The following TSPAN18 variants were observed in gnomAD, a reference collection of about 807,000 sequenced individuals.
TSPAN18 encodes the protein tetraspanin 18.
TSPAN18 carries 14 observed loss-of-function variants against 27.3 expected under a neutral mutation model. That is an observed-to-expected ratio of 0.51 (90% CI 0.34 to 0.80). TSPAN18 has a LOEUF of 0.80. Ranked by LOEUF, TSPAN18 falls within the 30% of genes least tolerant of loss-of-function variation. TSPAN18 has a pLI of 0.01. For missense variants in TSPAN18, 268 were observed against 323.9 expected (o/e 0.83, Z 1.32); for synonymous variants, 143 against 136.5 (o/e 1.05, Z -0.33).
intron 3 of TSPAN18, among the ~76,000 whole-genome samples, chr11:44,883,080 C>T (rs1247578038): frequency 6.6e-6 from 1 of 152,196 alleles, no homozygotes; most frequent in Non-Finnish European, 1.5e-5. Context: ...CACCATGAGG[C>T]AGGAACAACA....
intron 3 of TSPAN18, among the ~76,000 whole-genome samples, chr11:44,869,657 G>A (rs972522309): frequency 3.3e-5 from 5 of 152,274 alleles, no homozygotes; most frequent in African/African-American, 4.8e-5. Context: ...TTAGAGACAC[G>A]GCCAGGCCCC....
At chr11:44,794,833 G>C (rs1348190072) in intron 2 of TSPAN18, among the ~76,000 whole-genome samples, 4 of 152,198 alleles carry the variant, frequency 2.6e-5, no homozygotes, top group Non-Finnish European at 5.9e-5. Flanking sequence ...GATGAAGTGG[G>C]TGTGAGGACT....
chr11:44,800,658 G>A (rs1370636338), intron 2 of TSPAN18, among the ~76,000 whole-genome samples: 1 of 152,212 alleles, frequency 6.6e-6, no homozygotes, highest in Non-Finnish European at 1.5e-5. Context: ...CAGGATGCCC[G>A]GTGACACCTG....
At chr11:44,823,595 A>C (rs188147311) in intron 2 of TSPAN18, among the ~76,000 whole-genome samples, 113 of 152,262 alleles carry the variant, frequency 7.4e-4, no homozygotes, top group African/African-American at 2.6e-3. Flanking sequence ...GTGGGGATCA[A>C]TCAGAGGAAA....
chr11:44,841,836 C>A (rs1222219773), intron 2 of TSPAN18, among the ~76,000 whole-genome samples: 2 of 152,182 alleles, frequency 1.3e-5, no homozygotes, highest in Non-Finnish European at 2.9e-5. Flanking sequence ...ACCCCACCAT[C>A]AGGTCCAAAT....
chr11:44,818,518 G>A (rs527732926), intron 2 of TSPAN18, among the ~76,000 whole-genome samples: 9 of 152,134 alleles, frequency 5.9e-5, no homozygotes, highest in African/African-American at 1.2e-4. Flanking sequence ...GTGGCCCAGC[G>A]TCCTGCATTT....
At chr11:44,817,515 C>T (rs905631591) in intron 2 of TSPAN18, among the ~76,000 whole-genome samples, 9 of 152,198 alleles carry the variant, frequency 5.9e-5, no homozygotes, top group African/African-American at 1.4e-4. Flanking sequence ...GTTTATGCTG[C>T]GACTTAGGCT....
intron 2 of TSPAN18, among the ~76,000 whole-genome samples, chr11:44,805,974 C>A (rs946033601): frequency 2.0e-5 from 3 of 151,812 alleles, no homozygotes; most frequent in Non-Finnish European, 4.4e-5. Context: ...CGCAGAGATT[C>A]TTTCCATATA....
intron 1 of TSPAN18, among the ~76,000 whole-genome samples, chr11:44,761,488 A>G (rs979211822): frequency 6.6e-6 from 1 of 152,216 alleles, no homozygotes; most frequent in African/African-American, 2.4e-5. Flanking sequence ...TTAAATGGGA[A>G]TTAGGATTAG....
At chr11:44,753,544 G>T (rs373537816) in intron 1 of TSPAN18, among the ~76,000 whole-genome samples, 13 of 152,254 alleles carry the variant, frequency 8.5e-5, no homozygotes, top group African/African-American at 2.9e-4. Context: ...TGGACTCGCC[G>T]CTGCCACCCT....
At chr11:44,804,634 TGAG>T (rs1236434007) in intron 2 of TSPAN18, among the ~76,000 whole-genome samples, 3 of 152,186 alleles carry the variant, frequency 2.0e-5, no homozygotes, top group Non-Finnish European at 4.4e-5. Context: ...CGAGCAGCGA[TGAG>T]GGATTCTTGG....
At chr11:44,852,553 C>T (rs1437818745) in intron 2 of TSPAN18, among the ~76,000 whole-genome samples, 1 of 152,220 alleles carries the variant, frequency 6.6e-6, no homozygotes, top group East Asian at 1.9e-4. Flanking sequence ...GGAGTGGCCT[C>T]AGGGGCCTTC....
intron 2 of TSPAN18, among the ~76,000 whole-genome samples, chr11:44,766,748 A>G (rs1469036937): frequency 6.6e-6 from 1 of 152,222 alleles, no homozygotes; most frequent in Non-Finnish European, 1.5e-5. Flanking sequence ...AGATGACCAC[A>G]AAGCAACAGG....
chr11:44,740,990 A>G (rs1854919168), intron 1 of TSPAN18, among the ~76,000 whole-genome samples: 1 of 151,942 alleles, frequency 6.6e-6, no homozygotes, highest in Non-Finnish European at 1.5e-5. Flanking sequence ...ATCCCTGTGG[A>G]TTTCTGATAT....
chr11:44,823,042 T>C (rs370102015), intron 2 of TSPAN18, among the ~76,000 whole-genome samples: 1 of 152,308 alleles, frequency 6.6e-6, no homozygotes, highest in South Asian at 2.1e-4. Context: ...CCCCAGTGAA[T>C]GTGAGCTGCT....
intron 3 of TSPAN18, among the ~76,000 whole-genome samples, chr11:44,879,256 C>G (rs955725353): frequency 6.6e-5 from 10 of 152,168 alleles, no homozygotes; most frequent in African/African-American, 2.4e-4. Context: ...CCCTCCCTCT[C>G]TCCCTCCCTT....
At chr11:44,731,633 T>TGTGTGTGAGAGAGAGAGA (rs139154582) in intron 1 of TSPAN18, among the ~76,000 whole-genome samples, 2 of 107,436 alleles carry the variant, frequency 1.9e-5, no homozygotes, top group African/African-American at 7.0e-5. Flanking sequence ...TGTGTGTGTG[T>TGTGTGTGAGAGAGAGAGA]GAGAGAGAGA....
chr11:44,785,268 C>T (rs1332474757), intron 2 of TSPAN18, among the ~76,000 whole-genome samples: 1 of 152,158 alleles, frequency 6.6e-6, no homozygotes, highest in African/African-American at 2.4e-5. Flanking sequence ...CTGAAGTCAC[C>T]TTTTTCCCAT....
chr11:44,735,328 A>G (rs534855180), intron 1 of TSPAN18, among the ~76,000 whole-genome samples: 41 of 152,342 alleles, frequency 2.7e-4, no homozygotes, highest in Middle Eastern at 3.4e-3. Flanking sequence ...TGCGGCAGCC[A>G]TGACAGCACC....
Sources: allele counts gnomAD v4.1 joint callset (sites outside exome capture counted in the v4.1 genomes callset), GRCh38; gene constraint gnomAD v4.1.1; transcripts MANE v1.5; gene names NCBI Gene and HGNC (gene_info 2026-07-23, HGNC 2026-07-21).